CHD7: variants seen among roughly 807,000 people sequenced by gnomAD.
The protein encoded by CHD7 is ATP-dependent chromatin remodeler CHD7.
Under a neutral mutation model 307.3 loss-of-function variants are expected in CHD7, and 24 were observed. The observed-to-expected ratio is 0.08, with a 90% CI of 0.06 to 0.11. The LOEUF (loss-of-function observed/expected upper bound fraction) is 0.11, where lower values mean the gene tolerates loss of function less well. Ranked by LOEUF, CHD7 falls within the 10% of genes least tolerant of loss-of-function variation. The pLI, the probability that CHD7 is intolerant of heterozygous loss-of-function variation, is 1.00. For missense variants in CHD7, 3,106 were observed against 3,727.1 expected (o/e 0.83, Z 4.34); for synonymous variants, 1,363 against 1,349.9 (o/e 1.01, Z -0.21).
In CHD7 at chr8:60,805,301, C is replaced by T. The variant is rs139062011; in HGVS notation, c.2443-2916C>T. Reference sequence around the variant, plus strand: ...CATGATCATATTTATATGAAAGGAACGGTGAAAAACAGCTCTATTTATAGT... The same window carrying T: ...CATGATCATATTTATATGAAAGGAATGGTGAAAAACAGCTCTATTTATAGT... On this transcript the variant is annotated intron_variant, in intron 6 of 37. Coordinates refer to ENST00000423902, the MANE Select transcript of CHD7 (RefSeq NM_017780.4). Among the ~76,000 whole-genome samples the T allele has an allele frequency of 4.6e-3, 696 of 152,180 alleles. 8 individuals are homozygous for T. Among genetic ancestry groups the T allele is most frequent in the African/African-American group, 0.016 (646 of 41,514 alleles).
chr8:60,681,849 G>T (rs1235264351), intron 1 of CHD7, among the ~76,000 whole-genome samples: 1 of 151,756 alleles, frequency 6.6e-6, no homozygotes, highest in Non-Finnish European at 1.5e-5. Context: ...TTGTATCCTG[G>T]GTCTATGCTT....
At chr8:60,810,378 A>AGTGT (rs780013407) in intron 7 of CHD7, among the ~76,000 whole-genome samples, 1 of 133,378 alleles carries the variant, frequency 7.5e-6, no homozygotes, top group African/African-American at 2.8e-5. Flanking sequence ...GGAGAGAGAG[A>AGTGT]GAGTGTGTGT....
intron 2 of CHD7, among the ~76,000 whole-genome samples, chr8:60,747,150 C>A (rs925003620): frequency 1.3e-5 from 2 of 152,206 alleles, no homozygotes; most frequent in Middle Eastern, 3.2e-3. Context: ...GTTCTTGGCT[C>A]ACTGCAACCT....
intron 6 of CHD7, among the ~76,000 whole-genome samples, chr8:60,804,340 C>CT (rs113158575): frequency 0.023 from 3,436 of 148,350 alleles, 85 homozygotes; most frequent in African/African-American, 0.061. Context: ...AATTCAAATC[C>CT]TTTTTTTTTT....
chr8:60,854,572 GTAGAGGAAA>G, intron 32 of CHD7, 49 bp downstream of exon 32: 1 of 1,470,054 alleles, frequency 6.8e-7, no homozygotes, highest in Non-Finnish European at 9.1e-7. Context: ...AAGGATTAGG[GTAGAGGAAA>G]TCTTTCTAGC....
chr8:60,692,948 A>G (rs188753655), intron 1 of CHD7, among the ~76,000 whole-genome samples: 64 of 152,250 alleles, frequency 4.2e-4, no homozygotes, highest in African/African-American at 1.4e-3. Flanking sequence ...CCTATCCTTA[A>G]TGTTCCCAAT....
chr8:60,793,463 G>A (rs547269910), intron 3 of CHD7, among the ~76,000 whole-genome samples: 8 of 152,248 alleles, frequency 5.3e-5, no homozygotes, highest in Admixed American at 5.2e-4. Flanking sequence ...ACTAGTTTAA[G>A]ATGATCAAAT....
At chr8:60,707,132 G>A (rs1270777472) in intron 1 of CHD7, among the ~76,000 whole-genome samples, 1 of 152,202 alleles carries the variant, frequency 6.6e-6, no homozygotes. Flanking sequence ...TTAAGATTCT[G>A]TGTAGAAGCT....
intron 1 of CHD7, among the ~76,000 whole-genome samples, chr8:60,695,105 G>C (rs190239790): frequency 6.6e-6 from 1 of 152,210 alleles, no homozygotes; most frequent in African/African-American, 2.4e-5. Flanking sequence ...ATGGAGCGGA[G>C]AATAGCTTAG....
intron 1 of CHD7, among the ~76,000 whole-genome samples, chr8:60,704,512 T>C (rs1051742879): frequency 8.1e-5 from 12 of 148,212 alleles, no homozygotes; most frequent in Admixed American, 4.6e-4. Context: ...GCTTGGTCTG[T>C]ACCCCAAGAG....
At chr8:60,752,971 G>T (rs1373241060) in intron 2 of CHD7, among the ~76,000 whole-genome samples, 2 of 152,174 alleles carry the variant, frequency 1.3e-5, no homozygotes, top group Non-Finnish European at 2.9e-5. Flanking sequence ...AGGGAGAAAT[G>T]GAACTGGGAC....
intron 1 of CHD7, among the ~76,000 whole-genome samples, chr8:60,706,741 T>C (rs1807038636): frequency 6.6e-6 from 1 of 152,158 alleles, no homozygotes; most frequent in South Asian, 2.1e-4. Flanking sequence ...AAAGTTGACA[T>C]GCTGGAAGTT....
chr8:60,821,725 T>A (rs780875623), intron 9 of CHD7, 65 bp from the exon 10 acceptor site: 10 of 1,388,260 alleles, frequency 7.2e-6, no homozygotes, highest in Non-Finnish European at 9.8e-6. Flanking sequence ...TATATACACA[T>A]ATATATGTAT....
chr8:60,778,585 T>C (rs908429826), intron 2 of CHD7, among the ~76,000 whole-genome samples: 1 of 152,210 alleles, frequency 6.6e-6, no homozygotes, highest in African/African-American at 2.4e-5. Flanking sequence ...GCAAATGCCA[T>C]GCAGATTAAA....
intron 2 of CHD7, among the ~76,000 whole-genome samples, chr8:60,774,794 A>G (rs994577149): frequency 4.6e-5 from 7 of 152,334 alleles, no homozygotes; most frequent in African/African-American, 1.7e-4. Flanking sequence ...AGGGTTTAGC[A>G]TTGGCAGAGT....
rs1398798998 is a variant in CHD7 at position 60,822,077 on chromosome 8, A to G, written c.2889A>G (p.Lys963=). 2.5e-6 allele frequency: 4 copies of G among 1,613,786 alleles called. No individual in the cohort carries two copies. In the African/African-American group the frequency reaches 5.3e-5, roughly 22 times the overall value. The change falls in exon 11 of 38, where the codon AAA becomes AAG. Residue 963 remains lysine, a synonymous_variant. Transcript: ENST00000423902. ...AATCGGAGAGTTCCAGGGAGTATAA[A>G]AACAATAACAAACTCAGGGAATACC... ...WKKSESSREY[K]NNNKLREYQL... is the part of the protein sequence containing the mutation.
chr8:60,792,486 A>G (rs1273328267), intron 3 of CHD7, among the ~76,000 whole-genome samples: 1 of 152,146 alleles, frequency 6.6e-6, no homozygotes, highest in African/African-American at 2.4e-5. Flanking sequence ...GAATAGTGAA[A>G]GGTCTGATGA....
At chr8:60,800,320 C>G in intron 4 of CHD7, 68 bp from the exon 5 acceptor site, 1 of 1,533,050 alleles carries the variant, frequency 6.5e-7, no homozygotes, top group Non-Finnish European at 8.8e-7. Flanking sequence ...GCGTGAGCCA[C>G]TGCGCTCGGC....
chr8:60,832,568 G>A (rs939315156), intron 15 of CHD7, among the ~76,000 whole-genome samples: 3 of 151,956 alleles, frequency 2.0e-5, no homozygotes, highest in Admixed American at 6.6e-5. Flanking sequence ...TTTAATAGCT[G>A]GTACAAAAGA....
Sources: allele counts gnomAD v4.1 joint callset (sites outside exome capture counted in the v4.1 genomes callset), GRCh38; gene constraint gnomAD v4.1.1; transcripts MANE v1.5; gene names NCBI Gene and HGNC (gene_info 2026-07-23, HGNC 2026-07-21).